Variants in VIT observed in about 807,000 individuals in gnomAD.
The protein encoded by VIT is vitrin.
Under a neutral mutation model 78.0 loss-of-function variants are expected in VIT, and 99 were observed. The observed-to-expected ratio is 1.27, with a 90% CI of 1.08 to 1.50. The LOEUF (loss-of-function observed/expected upper bound fraction) is 1.50. VIT is among the 40% of genes most tolerant of loss of function. The probability of loss-of-function intolerance (pLI) is 0.00; values close to 1 mark genes in which losing one functional copy is unlikely to be tolerated. For missense variants in VIT, 1,126 were observed against 875.3 expected (o/e 1.29, Z -3.61); for synonymous variants, 374 against 334.3 (o/e 1.12, Z -1.29).
At chr2:36,742,732 G>C (rs970165377) in intron 3 of VIT, among the ~76,000 whole-genome samples, 1 of 152,106 alleles carries the variant, frequency 6.6e-6, no homozygotes, top group African/African-American at 2.4e-5. Context: ...TGTAAGGCTG[G>C]GTTAGCTACA....
At chr2:36,703,280 A>G (rs6544029) in intron 1 of VIT, among the ~76,000 whole-genome samples, 127,086 of 151,678 alleles carry the variant, frequency 0.84, 53,844 homozygotes, top group Middle Eastern at 0.95. Context: ...AAGACAAGTT[A>G]TAGGCATTTT....
intron 3 of VIT, among the ~76,000 whole-genome samples, chr2:36,734,540 A>G (rs1055193777): frequency 6.6e-6 from 1 of 152,154 alleles, no homozygotes; most frequent in Non-Finnish European, 1.5e-5. Flanking sequence ...GTGTTGCATA[A>G]TCAAAGGCTG....
At chr2:36,783,252 G>A (rs1664878857) in intron 10 of VIT, 88 bp from the exon 11 acceptor site, 2 of 1,313,806 alleles carry the variant, frequency 1.5e-6, no homozygotes, top group Non-Finnish European at 1.1e-6. Context: ...CAAGCTGGGT[G>A]TGAATATCCA....
intron 9 of VIT, among the ~76,000 whole-genome samples, chr2:36,779,182 G>A (rs1048491780): frequency 6.6e-6 from 1 of 152,218 alleles, no homozygotes; most frequent in Non-Finnish European, 1.5e-5. Context: ...GTGCTGAAGC[G>A]ATGATGACTC....
chr2:36,785,653 A>G, intron 11 of VIT, among the ~76,000 whole-genome samples: 1 of 152,196 alleles, frequency 6.6e-6, no homozygotes, highest in East Asian at 1.9e-4. Context: ...GCCCAGGCAG[A>G]CAGGAGGTAA....
chr2:36,751,074 A>G (rs533491184), intron 4 of VIT, among the ~76,000 whole-genome samples: 19 of 152,202 alleles, frequency 1.2e-4, no homozygotes, highest in Non-Finnish European at 2.4e-4. Context: ...AGCCAGGCCA[A>G]CGTGGCAAAA....
chr2:36,789,212 G>C (rs1056001766), intron 12 of VIT, among the ~76,000 whole-genome samples: 1 of 152,128 alleles, frequency 6.6e-6, no homozygotes, highest in African/African-American at 2.4e-5. Flanking sequence ...ATCTGAATTC[G>C]GGCCTCAGCT....
At position 36,764,614 on chromosome 2, in the gene VIT, G is replaced by A. The variant is rs978338364; in HGVS notation, c.488-2480G>A. ...CAACTTAGCAAGAAACAAGGCAATT[G>A]AAAGATCGGTTTCCTACCTTGACCA... On this transcript the variant is annotated intron_variant, in intron 6 of 15. Transcript: ENST00000379242. Among the ~76,000 whole-genome samples the A allele has an allele frequency of 2.6e-5, 4 of 152,202 alleles. No individual in the cohort carries two copies. In the East Asian group the frequency reaches 7.7e-4, roughly 29 times the overall value.
chr2:36,770,089 G>A (rs1180507261), intron 7 of VIT, among the ~76,000 whole-genome samples: 2 of 152,192 alleles, frequency 1.3e-5, no homozygotes, highest in Admixed American at 1.3e-4. Flanking sequence ...TAGGCAAAAG[G>A]TTCTAGAACT....
chr2:36,733,897 G>A (rs1173611770), intron 3 of VIT, among the ~76,000 whole-genome samples: 5 of 152,190 alleles, frequency 3.3e-5, no homozygotes, highest in East Asian at 3.8e-4. Context: ...AACCGTTAGC[G>A]TCGATACCTC....
chr2:36,729,580 G>T, intron 3 of VIT, 89 bp downstream of exon 3: 2 of 1,406,750 alleles, frequency 1.4e-6, no homozygotes, highest in Non-Finnish European at 2.0e-6. Flanking sequence ...TTTTTGTTTT[G>T]GTTTGGTTTT....
intron 4 of VIT, among the ~76,000 whole-genome samples, chr2:36,748,275 G>A (rs776691855): frequency 4.6e-5 from 7 of 152,154 alleles, no homozygotes; most frequent in African/African-American, 9.7e-5. Flanking sequence ...GACCTCTCCA[G>A]TGAGACTGAG....
chr2:36,740,757 C>T (rs906509475), intron 3 of VIT, among the ~76,000 whole-genome samples: 3 of 152,178 alleles, frequency 2.0e-5, no homozygotes, highest in African/African-American at 7.2e-5. Flanking sequence ...CAAGTGCCCC[C>T]TTAAAGAAAG....
chr2:36,784,453 G>C (rs1273094772), intron 11 of VIT, among the ~76,000 whole-genome samples: 1 of 152,246 alleles, frequency 6.6e-6, no homozygotes, highest in Non-Finnish European at 1.5e-5. Flanking sequence ...TGGTTCTACA[G>C]TGATTGATTC....
chr2:36,698,997 T>TA lies in VIT; in HGVS notation c.-19+2025dup, dbSNP rs1457160840. 2.5e-4 allele frequency among the ~76,000 whole-genome samples: 17 copies of TA among 68,994 alleles called. No individual in the cohort carries two copies. In the East Asian group the frequency reaches 0.022, roughly 90 times the overall value. 45.3% of individuals were successfully genotyped at this position (68,994 alleles called of 152,430 possible). A position where few individuals can be genotyped will look rare whatever the true frequency, so the allele number is the denominator to read the frequency against. The stretch of plus-strand genomic sequence containing the variant: ...GAAATGTAATCTTTTATTCCCCACA[T>TA]ATTAAAAAAAAAAAGATTACTTTAG... On this transcript the variant is annotated intron_variant, in intron 1 of 15. Coordinates refer to ENST00000379242, the MANE Select transcript of VIT (RefSeq NM_053276.4).
At chr2:36,810,797 C>A (rs60390214) in intron 15 of VIT, among the ~76,000 whole-genome samples, 13,414 of 152,062 alleles carry the variant, frequency 0.088, 933 homozygotes, top group East Asian at 0.18. Flanking sequence ...CCACGCCCAG[C>A]TAATTTTTGT....
chr2:36,718,539 G>C lies in VIT; in HGVS notation c.52+2117G>C, dbSNP rs59457753. On this transcript the variant is annotated intron_variant, in intron 2 of 15. Transcript: ENST00000379242. ...TAGGGCAGCTCTGTCCAAGCTACTT[G>C]TCTCTCAGGTAAGCTACTTTCTCCT... Among the ~76,000 whole-genome samples the C allele has an allele frequency of 9.3e-3, 1,416 of 152,226 alleles. 24 individuals are homozygous for C. The highest frequency in any genetic ancestry group is 0.033 in the African/African-American group (1,366 of 41,518).
At chr2:36,735,373 A>G (rs953308097) in intron 3 of VIT, among the ~76,000 whole-genome samples, 56 of 152,166 alleles carry the variant, frequency 3.7e-4, no homozygotes, top group African/African-American at 1.3e-3. Flanking sequence ...GGCTTATCAC[A>G]TTATTTTCTA....
At chr2:36,774,689 C>T (rs889103281) in intron 8 of VIT, 7 of 985,298 alleles carry the variant, frequency 7.1e-6, no homozygotes, top group African/African-American at 5.2e-5. Context: ...TGCCAATGCA[C>T]ATGCTGTTGT....
Sources: gnomAD v4.1 joint callset for allele counts (sites outside exome capture counted in the v4.1 genomes callset) on GRCh38, gnomAD v4.1.1 for gene constraint, MANE v1.5 for transcripts, NCBI Gene and HGNC (gene_info 2026-07-23, HGNC 2026-07-21) for gene names.